DLC1: variants seen among roughly 807,000 people sequenced by gnomAD.
DLC1 encodes the protein rho GTPase-activating protein 7.
In DLC1, 54 loss-of-function variants were observed where a neutral mutation model predicts 140.3. The ratio of observed to expected loss-of-function variants is 0.38; its 90% CI spans 0.31 to 0.48. DLC1 has a LOEUF of 0.48. Among genes scored for constraint, DLC1 ranks in the 20% least tolerant of loss-of-function variants. The pLI, the probability that DLC1 is intolerant of heterozygous loss-of-function variation, is 0.96. For missense variants in DLC1, 2,536 were observed against 1,907.0 expected (o/e 1.33, Z -6.14); for synonymous variants, 986 against 728.1 (o/e 1.35, Z -5.70).
At chr8:13,525,311 G>A (rs1490518384) in intron 1 of DLC1, among the ~76,000 whole-genome samples, 2 of 152,188 alleles carry the variant, frequency 1.3e-5, no homozygotes, top group South Asian at 2.1e-4. Flanking sequence ...ATATTCATGT[G>A]CAAGTCATTG....
At chr8:13,544,137 C>T (rs142727155) in intron 1 of DLC1, among the ~76,000 whole-genome samples, 1 of 151,560 alleles carries the variant, frequency 6.6e-6, no homozygotes, top group Non-Finnish European at 1.5e-5. Context: ...GTAAACAATG[C>T]ACATAAAATA....
intron 5 of DLC1, among the ~76,000 whole-genome samples, chr8:13,241,788 G>C (rs1344477452): frequency 6.6e-6 from 1 of 152,110 alleles, no homozygotes; most frequent in Non-Finnish European, 1.5e-5. Context: ...TTAACACGCT[G>C]CTCACTATCT....
chr8:13,499,743 A>T lies in DLC1; in HGVS notation c.329T>A (p.Val110Asp). 6.2e-7 allele frequency: 1 copy of T among 1,614,136 alleles called. No homozygotes were observed. Among genetic ancestry groups the T allele is most frequent in the Non-Finnish European group, 8.5e-7 (1 of 1,180,010 alleles). The change falls in exon 2 of 18, where the codon GTT becomes GAT. Residue 110 changes from valine to aspartate, a missense_variant. Transcript: ENST00000276297. ...LEASTETLVH[V>D]SDEDNNADLC... is the part of the protein sequence containing the mutation. ...ATCAGCATTGTTATCCTCATCAGAA[A>T]CATGCACTAGTGTTTCTGTGCTGGC...
chr8:13,150,647 G>C (rs1370368384), intron 5 of DLC1, among the ~76,000 whole-genome samples: 1 of 152,216 alleles, frequency 6.6e-6, no homozygotes, highest in Non-Finnish European at 1.5e-5. Context: ...CTATGGCTTT[G>C]TCTTTAACTC....
chr8:13,466,021 G>A (rs1412152536), intron 2 of DLC1, among the ~76,000 whole-genome samples: 1 of 152,160 alleles, frequency 6.6e-6, no homozygotes, highest in Non-Finnish European at 1.5e-5. Context: ...CTAGGGGGCA[G>A]CTAGATGCAA....
At chr8:13,601,495 T>C (rs969015161) in intron 1 of DLC1, among the ~76,000 whole-genome samples, 6 of 151,872 alleles carry the variant, frequency 4.0e-5, no homozygotes, top group African/African-American at 1.4e-4. Context: ...TGCCTTATTT[T>C]TGATTTCTGG....
At chr8:13,565,410 G>C (rs953073900) in intron 1 of DLC1, among the ~76,000 whole-genome samples, 1 of 152,146 alleles carries the variant, frequency 6.6e-6, no homozygotes, top group Non-Finnish European at 1.5e-5. Flanking sequence ...ATGAGGCAGA[G>C]ATTTGAAATA....
At chr8:13,253,932 G>A (rs1586010906) in intron 5 of DLC1, among the ~76,000 whole-genome samples, 1 of 152,304 alleles carries the variant, frequency 6.6e-6, no homozygotes, top group East Asian at 1.9e-4. Flanking sequence ...CTGACGTCAG[G>A]ACGCAGCCCA....
At chr8:13,428,948 C>T (rs971000123) in intron 2 of DLC1, among the ~76,000 whole-genome samples, 1 of 152,184 alleles carries the variant, frequency 6.6e-6, no homozygotes, top group Non-Finnish European at 1.5e-5. Flanking sequence ...GGCATAATCT[C>T]TGCCTAAATA....
At chr8:13,303,332 T>C (rs546527697) in intron 5 of DLC1, among the ~76,000 whole-genome samples, 1 of 152,292 alleles carries the variant, frequency 6.6e-6, no homozygotes, top group African/African-American at 2.4e-5. Flanking sequence ...TCTGAAAATT[T>C]AATCTCTCGA....
At chr8:13,602,879 G>A (rs1805934286) in intron 1 of DLC1, among the ~76,000 whole-genome samples, 1 of 151,788 alleles carries the variant, frequency 6.6e-6, no homozygotes, top group South Asian at 2.1e-4. Context: ...AGTATCTTCA[G>A]ATAATACATT....
intron 1 of DLC1, among the ~76,000 whole-genome samples, chr8:13,596,430 A>G (rs903304790): frequency 1.3e-5 from 2 of 151,944 alleles, no homozygotes; most frequent in African/African-American, 2.4e-5. Context: ...TAGAGGGTCT[A>G]TGGAACTTTT....
At chr8:13,404,020 C>G (rs1021376952) in intron 2 of DLC1, among the ~76,000 whole-genome samples, 1 of 152,008 alleles carries the variant, frequency 6.6e-6, no homozygotes, top group Non-Finnish European at 1.5e-5. Flanking sequence ...CTAATGCATG[C>G]TCTTTATCCT....
intron 2 of DLC1, among the ~76,000 whole-genome samples, chr8:13,407,496 G>T (rs1837619488): frequency 6.6e-6 from 1 of 152,184 alleles, no homozygotes; most frequent in Admixed American, 6.5e-5. Context: ...GTCCAGAAAA[G>T]AGTGTGCCTC....
At chr8:13,405,852 GTCTT>G (rs1331826938) in intron 2 of DLC1, among the ~76,000 whole-genome samples, 3 of 120,724 alleles carry the variant, frequency 2.5e-5, no homozygotes, top group East Asian at 5.0e-4. Flanking sequence ...CTCCCTTTCT[GTCTT>G]TCTCTCTTTT....
chr8:13,559,603 T>C (rs1804172497), intron 1 of DLC1, among the ~76,000 whole-genome samples: 1 of 152,204 alleles, frequency 6.6e-6, no homozygotes, highest in Non-Finnish European at 1.5e-5. Context: ...AAAGCTAACA[T>C]TGTAAGTAGA....
intron 2 of DLC1, among the ~76,000 whole-genome samples, chr8:13,414,555 A>G (rs1162330423): frequency 6.6e-6 from 1 of 152,204 alleles, no homozygotes; most frequent in Non-Finnish European, 1.5e-5. Flanking sequence ...TAGCTCAAAG[A>G]TAGAAAAGAA....
intron 4 of DLC1, among the ~76,000 whole-genome samples, chr8:13,355,968 T>C (rs527612236): frequency 1.9e-3 from 291 of 150,898 alleles, no homozygotes; most frequent in Non-Finnish European, 3.8e-3. Context: ...CGGGCACCTG[T>C]AGTCCCAGCT....
At chr8:13,521,915 G>A (rs1324149012) in intron 1 of DLC1, among the ~76,000 whole-genome samples, 1 of 152,256 alleles carries the variant, frequency 6.6e-6, no homozygotes, top group Non-Finnish European at 1.5e-5. Flanking sequence ...ACCAGTCTGT[G>A]TATTGTCAAT....
Sources: allele counts gnomAD v4.1 joint callset (sites outside exome capture counted in the v4.1 genomes callset), GRCh38; gene constraint gnomAD v4.1.1; transcripts MANE v1.5; gene names NCBI Gene and HGNC (gene_info 2026-07-23, HGNC 2026-07-21).